The following FHIT variants were observed in gnomAD, a reference collection of about 807,000 sequenced individuals.
FHIT encodes the protein bis(5'-adenosyl)-triphosphatase.
In FHIT, 19 loss-of-function variants were observed where a neutral mutation model predicts 17.9. The ratio of observed to expected loss-of-function variants is 1.06; its 90% CI spans 0.74 to 1.56. FHIT has a LOEUF of 1.56. Among genes scored for constraint, FHIT ranks in the 40% most tolerant of loss-of-function variants. The pLI is 0.00. For missense variants in FHIT, 248 were observed against 189.2 expected, an observed-to-expected ratio of 1.31 and a Z score of -1.82; for synonymous variants, 81 against 69.7, an observed-to-expected ratio of 1.16 and a Z score of -0.81.
At chr3:60,499,326 G>C (rs2034427035) in intron 5 of FHIT, among the ~76,000 whole-genome samples, 1 of 152,066 alleles carries the variant, frequency 6.6e-6, no homozygotes, top group African/African-American at 2.4e-5. Flanking sequence ...GAAGTCCTTA[G>C]AAGGCCTTAT....
intron 5 of FHIT, among the ~76,000 whole-genome samples, chr3:60,407,040 T>C (rs1279997481): frequency 6.6e-6 from 1 of 150,664 alleles, no homozygotes; most frequent in African/African-American, 2.4e-5. Context: ...TTAGTCTATA[T>C]AGTGAACTAC....
chr3:61,037,735 G>T (rs1407839257), intron 3 of FHIT, among the ~76,000 whole-genome samples: 1 of 152,200 alleles, frequency 6.6e-6, no homozygotes, highest in Admixed American at 6.5e-5. Flanking sequence ...ACTCATGTGT[G>T]CATGTCTTTT....
At chr3:60,058,933 A>G (rs964453353) in intron 5 of FHIT, among the ~76,000 whole-genome samples, 31 of 152,230 alleles carry the variant, frequency 2.0e-4, no homozygotes, top group African/African-American at 7.5e-4. Flanking sequence ...CATGGTATTC[A>G]GAGGCCATGA....
rs116131189 is a variant in FHIT at position 59,874,516 on chromosome 3, G to T, written c.348+47830C>A. Among the ~76,000 whole-genome samples the T allele has an allele frequency of 2.3e-3, 357 of 152,244 alleles. 1 individual carries two copies. Among genetic ancestry groups the T allele is most frequent in the African/African-American group, 8.1e-3 (336 of 41,530 alleles). On this transcript the variant is annotated intron_variant, in intron 8 of 9. Coordinates refer to ENST00000492590, the MANE Select transcript of FHIT (RefSeq NM_002012.4). ...CATTTCCAAGTTCCCAGGTGATGCTGATGCTGCTGGTCCAGGGATCTAGAA... is the reference window on the plus strand; with the variant it reads ...CATTTCCAAGTTCCCAGGTGATGCTTATGCTGCTGGTCCAGGGATCTAGAA...
At chr3:60,499,956 A>G (rs1459921242) in intron 5 of FHIT, among the ~76,000 whole-genome samples, 1 of 152,172 alleles carries the variant, frequency 6.6e-6, no homozygotes, top group Non-Finnish European at 1.5e-5. Flanking sequence ...TATGGGTTTC[A>G]TCTTTTATGG....
At chr3:60,158,095 T>C (rs1473773444) in intron 5 of FHIT, among the ~76,000 whole-genome samples, 1 of 152,134 alleles carries the variant, frequency 6.6e-6, no homozygotes, top group East Asian at 1.9e-4. Flanking sequence ...CAGATGGAAG[T>C]ATTCTGATAA....
At chr3:59,945,176 C>T (rs979605485) in intron 7 of FHIT, among the ~76,000 whole-genome samples, 1 of 152,184 alleles carries the variant, frequency 6.6e-6, no homozygotes, top group Non-Finnish European at 1.5e-5. Flanking sequence ...CACAACCTCA[C>T]CACTACCTGC....
intron 3 of FHIT, among the ~76,000 whole-genome samples, chr3:60,931,526 A>G (rs1319729993): frequency 6.6e-6 from 1 of 152,196 alleles, no homozygotes; most frequent in African/African-American, 2.4e-5. Flanking sequence ...GCCTGTTTTT[A>G]GTACAGATCT....
At chr3:61,127,496 C>T (rs2036641432) in intron 2 of FHIT, among the ~76,000 whole-genome samples, 1 of 152,124 alleles carries the variant, frequency 6.6e-6, no homozygotes, top group Non-Finnish European at 1.5e-5. Flanking sequence ...GGATTGATCA[C>T]CTAAAAATAG....
intron 4 of FHIT, among the ~76,000 whole-genome samples, chr3:60,805,414 A>G (rs1701348454): frequency 6.6e-6 from 1 of 152,006 alleles, no homozygotes; most frequent in African/African-American, 2.4e-5. Flanking sequence ...TTCGTTCACC[A>G]TGTCACATGG....
At chr3:59,812,556 G>A (rs1700445545) in intron 8 of FHIT, among the ~76,000 whole-genome samples, 1 of 152,148 alleles carries the variant, frequency 6.6e-6, no homozygotes, top group Non-Finnish European at 1.5e-5. Flanking sequence ...ATCCTAAATG[G>A]TTTATTACAG....
chr3:60,485,616 C>T (rs1467652984), intron 5 of FHIT, among the ~76,000 whole-genome samples: 4 of 151,430 alleles, frequency 2.6e-5, no homozygotes, highest in African/African-American at 9.7e-5. Context: ...AATACATGGA[C>T]ACAGGGAGGG....
chr3:61,238,897 A>C (rs1205249390), intron 1 of FHIT, among the ~76,000 whole-genome samples: 2 of 152,144 alleles, frequency 1.3e-5, no homozygotes, highest in Non-Finnish European at 2.9e-5. Context: ...ATCAGGAGGG[A>C]TATGGATGTG....
At chr3:60,946,167 T>C (rs1708631988) in intron 3 of FHIT, among the ~76,000 whole-genome samples, 1 of 152,054 alleles carries the variant, frequency 6.6e-6, no homozygotes, top group Non-Finnish European at 1.5e-5. Flanking sequence ...AGTCAACAGA[T>C]TGGAGGCCCC....
At chr3:60,836,630 C>T (rs1702550225) in intron 3 of FHIT, among the ~76,000 whole-genome samples, 1 of 152,068 alleles carries the variant, frequency 6.6e-6, no homozygotes, top group South Asian at 2.1e-4. Flanking sequence ...CTCTTTCATT[C>T]CTGATATTGT....
At chr3:59,879,060 A>C (rs947132618) in intron 8 of FHIT, among the ~76,000 whole-genome samples, 4 of 152,200 alleles carry the variant, frequency 2.6e-5, no homozygotes, top group Non-Finnish European at 5.9e-5. Flanking sequence ...CAAATGAAGA[A>C]AAATCTGAGC....
At chr3:60,412,965 T>C (rs1003263080) in intron 5 of FHIT, among the ~76,000 whole-genome samples, 8 of 152,250 alleles carry the variant, frequency 5.3e-5, no homozygotes, top group South Asian at 2.1e-4. Context: ...TCCACCATGA[T>C]TGTAAGTTCC....
At chr3:60,559,753 G>GAGAAAAA (rs767947962) in intron 4 of FHIT, among the ~76,000 whole-genome samples, 55,823 of 151,782 alleles carry the variant, frequency 0.37, 10,474 homozygotes, top group East Asian at 0.5. Context: ...GAAAAAGCAT[G>GAGAAAAA]TCCCTCTTAC....
chr3:61,185,752 A>C (rs925801317), intron 2 of FHIT, among the ~76,000 whole-genome samples: 3 of 152,226 alleles, frequency 2.0e-5, no homozygotes, highest in African/African-American at 7.2e-5. Context: ...AACTGGGAAA[A>C]AAACACCCAG....
Sources: gnomAD v4.1 joint callset for allele counts (sites outside exome capture counted in the v4.1 genomes callset) on GRCh38, gnomAD v4.1.1 for gene constraint, MANE v1.5 for transcripts, NCBI Gene and HGNC (gene_info 2026-07-23, HGNC 2026-07-21) for gene names.